Variants in PARD3B observed in about 807,000 individuals in gnomAD.
PARD3B encodes partitioning defective 3 homolog B.
A neutral mutation model predicts 130.2 loss-of-function variants in PARD3B; 103 were observed. The observed-to-expected ratio is 0.79, with a 90% CI of 0.67 to 0.93. The LOEUF is 0.93. Among genes scored for constraint, PARD3B ranks in the 40% least tolerant of loss-of-function variants. The pLI, the probability that PARD3B is intolerant of heterozygous loss-of-function variation, is 0.00. For synonymous variants in PARD3B, 583 were observed against 553.2 expected, an observed-to-expected ratio of 1.05 and a Z score of -0.76; for missense variants, 1,609 against 1,499.2, an observed-to-expected ratio of 1.07 and a Z score of -1.21.
intron 4 of PARD3B, among the ~76,000 whole-genome samples, chr2:205,075,097 A>G (rs1184413534): frequency 2.6e-5 from 4 of 152,222 alleles, no homozygotes; most frequent in South Asian, 2.1e-4. Context: ...AGAGAACCAT[A>G]TAGGATGACC....
At chr2:205,445,877 C>T (rs1265028821) in intron 20 of PARD3B, among the ~76,000 whole-genome samples, 1 of 152,108 alleles carries the variant, frequency 6.6e-6, no homozygotes, top group Non-Finnish European at 1.5e-5. Context: ...GCATTTAATT[C>T]AACAAATACT....
intron 2 of PARD3B, among the ~76,000 whole-genome samples, chr2:204,813,853 A>T: frequency 6.6e-6 from 1 of 152,096 alleles, no homozygotes; most frequent in East Asian, 1.9e-4. Context: ...GCTCATGACT[A>T]TCTTGATTAC....
At chr2:205,098,182 C>T (rs1173117999) in intron 4 of PARD3B, among the ~76,000 whole-genome samples, 1 of 152,156 alleles carries the variant, frequency 6.6e-6, no homozygotes, top group East Asian at 1.9e-4. Context: ...TTCAGATCCT[C>T]TCTGTATAAT....
chr2:204,860,596 T>C (rs2045143353), intron 2 of PARD3B, among the ~76,000 whole-genome samples: 1 of 152,214 alleles, frequency 6.6e-6, no homozygotes, highest in Non-Finnish European at 1.5e-5. Flanking sequence ...TGGTAAAAGA[T>C]ATTCAATTGT....
chr2:205,456,629 C>T (rs1027865507), intron 20 of PARD3B, among the ~76,000 whole-genome samples: 1 of 151,718 alleles, frequency 6.6e-6, no homozygotes, highest in Non-Finnish European at 1.5e-5. Context: ...GCTTTTTCCA[C>T]TTCAGTTCAT....
Position 205,125,673 on chromosome 2 carries a change from AGC to A in PARD3B, c.1371_1372del (p.Gln458GlyfsTer25), listed in dbSNP as rs1437322404. ...CTTGTGGCCATGCTCAGGAGCACCA[AGC>A]AGGGGGAGACAGCATCGCTGGTCAT... is the stretch of plus-strand genomic sequence containing the variant. On this transcript the variant is annotated frameshift_variant, in exon 10 of 23. Coordinates refer to ENST00000406610, the MANE Select transcript of PARD3B (RefSeq NM_001302769.2). LOFTEE classifies it high-confidence loss of function. The surrounding 1 kb of genome is among the most constrained non-coding windows in gnomAD (Gnocchi z 4.0). The A allele has an allele frequency of 1.2e-6, 2 of 1,614,046 alleles. No homozygotes were observed. Among genetic ancestry groups the A allele is most frequent in the African/African-American group, 2.7e-5 (2 of 74,916 alleles).
intron 2 of PARD3B, among the ~76,000 whole-genome samples, chr2:204,919,175 G>A (rs553966315): frequency 3.4e-4 from 51 of 152,120 alleles, no homozygotes; most frequent in African/African-American, 1.2e-3. Context: ...CCAAGTAATT[G>A]CAGACATCCA....
chr2:205,216,495 G>A (rs534765073), intron 15 of PARD3B, among the ~76,000 whole-genome samples: 5 of 152,098 alleles, frequency 3.3e-5, no homozygotes, highest in East Asian at 1.9e-4. Flanking sequence ...CCACAAATAT[G>A]TATTACACAT....
rs142587471 is a variant in PARD3B, at chr2:205,303,925, A to G, written c.2630+2224A>G. On this transcript the variant is annotated intron_variant, in intron 18 of 22. Transcript: ENST00000406610. ...ACTCCTATAATTTCTTCTCAAATCA[A>G]TTGATCACTATACTTCTGTGGGCTG... Among the ~76,000 whole-genome samples the G allele has an allele frequency of 3.0e-3, 452 of 152,290 alleles. 4 individuals are homozygous for G. The highest frequency in any genetic ancestry group is 0.01 in the Middle Eastern group (3 of 294).
intron 1 of PARD3B, among the ~76,000 whole-genome samples, chr2:204,580,551 C>G (rs112929827): frequency 2.3e-3 from 353 of 152,260 alleles, no homozygotes; most frequent in African/African-American, 8.1e-3. Context: ...AAGTGTTGTA[C>G]TGGAAAATAC....
At position 204,945,629 on chromosome 2, in the gene PARD3B, C is replaced by T. The variant is rs371235770; in HGVS notation, c.223-19523C>T. On this transcript the variant is annotated intron_variant, in intron 2 of 22. Transcript: ENST00000406610. The stretch of plus-strand genomic sequence containing the variant: ...TGCAAGCCTAGTTGAATGTTTTCTT[C>T]CCTTAACTGATTTTATAAAATTTTA... Among the ~76,000 whole-genome samples, 27 of 152,284 alleles carry T rather than the reference C, an allele frequency of 1.8e-4. No individual in the cohort carries two copies. In the East Asian group the frequency reaches 5.0e-3, roughly 28 times the overall value.
At chr2:204,563,217 G>GTCTCTCTGTC (rs2031437869) in intron 1 of PARD3B, among the ~76,000 whole-genome samples, 1 of 86,598 alleles carries the variant, frequency 1.2e-5, no homozygotes, top group Non-Finnish European at 2.2e-5. Context: ...TCTTCCCGCT[G>GTCTCTCTGTC]TCTCTCTCTC....
At position 205,562,367 on chromosome 2, in the gene PARD3B, G is replaced by T. The variant is rs1463123318; in HGVS notation, c.3260+8964G>T. Among the ~76,000 whole-genome samples the T allele has an allele frequency of 6.6e-6, 1 of 152,192 alleles. No individual in the cohort carries two copies. Among genetic ancestry groups the T allele is most frequent in the Non-Finnish European group, 1.5e-5 (1 of 68,036 alleles). ...TGATGTCCCCAAAGTAGTTTTAACT[G>T]AATCTTGATGAACCACATACATTAA... On this transcript the variant is annotated intron_variant, in intron 22 of 22. Coordinates refer to ENST00000406610, the MANE Select transcript of PARD3B (RefSeq NM_001302769.2). This position sits in a 1 kb window ranked among gnomAD's most constrained non-coding sequence, Gnocchi z 5.4.
intron 2 of PARD3B, among the ~76,000 whole-genome samples, chr2:204,863,543 A>G (rs921952777): frequency 6.6e-6 from 1 of 152,230 alleles, no homozygotes; most frequent in African/African-American, 2.4e-5. Context: ...ATACAGTGTG[A>G]GTTAGAACTT....
intron 2 of PARD3B, among the ~76,000 whole-genome samples, chr2:204,857,109 C>G (rs1473250548): frequency 1.3e-5 from 2 of 152,022 alleles, no homozygotes; most frequent in African/African-American, 4.8e-5. Flanking sequence ...ATTGCTGAAG[C>G]CAGTGAAATT....
intron 15 of PARD3B, among the ~76,000 whole-genome samples, chr2:205,223,934 A>C (rs2038376860): frequency 6.6e-6 from 1 of 152,094 alleles, no homozygotes; most frequent in Non-Finnish European, 1.5e-5. Context: ...CAAACAATCC[A>C]ATTATACTAT....
intron 15 of PARD3B, among the ~76,000 whole-genome samples, chr2:205,213,021 G>T (rs2037724674): frequency 6.6e-6 from 1 of 152,100 alleles, no homozygotes; most frequent in African/African-American, 2.4e-5. Flanking sequence ...GCTAGTAAAT[G>T]GTGGGGCCAG....
rs2041503762 is a variant in PARD3B, at chr2:205,288,981, G to C, written c.2186-11549G>C. 6.6e-6 allele frequency among the ~76,000 whole-genome samples: 1 copy of C among 152,194 alleles called. No individual in the cohort carries two copies. The highest frequency in any genetic ancestry group is 6.5e-5 in the Admixed American group (1 of 15,288). Reference sequence around the variant, plus strand: ...AGTGATCCCAAAAGTCCATGACCTTGTCTGATTTGTAATTTTGTTGATGGT... The same window carrying C: ...AGTGATCCCAAAAGTCCATGACCTTCTCTGATTTGTAATTTTGTTGATGGT... On this transcript the variant is annotated intron_variant, in intron 16 of 22. Transcript: ENST00000406610. This position sits in a 1 kb window ranked among gnomAD's most constrained non-coding sequence, Gnocchi z 4.0.
In PARD3B at chr2:205,193,340, C is replaced by T; in HGVS notation, c.2140+20C>T. On this transcript the variant is annotated intron_variant, in intron 15 of 22. Coordinates refer to ENST00000406610, the MANE Select transcript of PARD3B (RefSeq NM_001302769.2). The stretch of plus-strand genomic sequence containing the variant: ...ACCTTGGTAAGCAAGGGTGAGGTGA[C>T]ATCCAGGTCAGCTCTCCAGCCTCAG... The T allele has an allele frequency of 6.5e-7, 1 of 1,533,062 alleles. No individual in the cohort carries two copies. Among genetic ancestry groups the T allele is most frequent in the Non-Finnish European group, 9.0e-7 (1 of 1,106,400 alleles). The allele number at this position is 1,533,062 out of a possible 1,614,324, so 95.0% of individuals were successfully genotyped here.
Sources: allele counts gnomAD v4.1 joint callset (sites outside exome capture counted in the v4.1 genomes callset), GRCh38; gene constraint gnomAD v4.1.1; non-coding constraint Gnocchi (gnomAD v3.1); transcripts MANE v1.5; gene names NCBI Gene and HGNC (gene_info 2026-07-23, HGNC 2026-07-21).